Variants in DMRT1 observed in about 807,000 individuals in gnomAD.
DMRT1 encodes doublesex- and mab-3-related transcription factor 1.
Under a neutral mutation model 32.3 loss-of-function variants are expected in DMRT1, and 7 were observed. The observed-to-expected ratio is 0.22, with a 90% confidence interval of 0.12 to 0.41. DMRT1 has a LOEUF of 0.41. Among genes scored for constraint, DMRT1 ranks in the 10% least tolerant of loss-of-function variants. DMRT1 has a pLI of 1.00. For synonymous variants in DMRT1, 278 were observed against 206.1 expected (o/e 1.35, Z -2.99); for missense variants, 625 against 500.5 (o/e 1.25, Z -2.37).
chr9:852,706 G>A (rs1815207116), intron 2 of DMRT1, among the ~76,000 whole-genome samples: 1 of 152,250 alleles, frequency 6.6e-6, no homozygotes, highest in Non-Finnish European at 1.5e-5. Flanking sequence ...GAGCACCGGG[G>A]ACTTCCATCC....
At chr9:892,699 C>T (rs578135727) in intron 2 of DMRT1, among the ~76,000 whole-genome samples, 5 of 152,324 alleles carry the variant, frequency 3.3e-5, no homozygotes, top group Admixed American at 3.3e-4. Context: ...ACAGCTCTGA[C>T]CGTGTAACCT....
intron 2 of DMRT1, among the ~76,000 whole-genome samples, chr9:891,595 A>G (rs991283362): frequency 6.7e-6 from 1 of 150,128 alleles, no homozygotes. Flanking sequence ...TCTCACTCCA[A>G]CCTCTGTCTC....
At chr9:900,010 C>A in intron 3 of DMRT1, among the ~76,000 whole-genome samples, 1 of 152,204 alleles carries the variant, frequency 6.6e-6, no homozygotes. Context: ...CGATAAGGCA[C>A]CTCGAAGGAA....
chr9:926,197 A>G (rs1031497286), intron 4 of DMRT1, among the ~76,000 whole-genome samples: 1 of 152,238 alleles, frequency 6.6e-6, no homozygotes, highest in Non-Finnish European at 1.5e-5. Flanking sequence ...TGCTATTCCC[A>G]AAGCTCAGTA....
At chr9:945,653 T>A (rs912182545) in intron 4 of DMRT1, among the ~76,000 whole-genome samples, 4 of 152,184 alleles carry the variant, frequency 2.6e-5, no homozygotes, top group African/African-American at 9.7e-5. Context: ...TAAGACAGCT[T>A]TATTTTTTTT....
In DMRT1 at chr9:968,389, C is replaced by T; in HGVS notation, c.*250C>T. The T allele has an allele frequency of 2.1e-6, 1 of 468,020 alleles. No individual in the cohort carries two copies. Among genetic ancestry groups the T allele is most frequent in the Non-Finnish European group, 3.9e-6 (1 of 259,474 alleles). The allele number at this position is 468,020 out of a possible 1,614,324, so 29.0% of individuals were successfully genotyped here. A position where few individuals can be genotyped will look rare whatever the true frequency, so the allele number is the denominator to read the frequency against. ...AATAGTGTTCATTTTTTTAATGACA[C>T]TGGTTTCATGTAGTTTTCAAGAAAT... On this transcript the variant is annotated 3_prime_UTR_variant, in exon 5 of 5. Coordinates refer to ENST00000382276, the MANE Select transcript of DMRT1 (RefSeq NM_021951.3).
chr9:878,485 C>T (rs1311706391), intron 2 of DMRT1, among the ~76,000 whole-genome samples: 1 of 152,090 alleles, frequency 6.6e-6, no homozygotes, highest in East Asian at 1.9e-4. Context: ...GGGAGAAACA[C>T]ATTGTTCCCG....
intron 3 of DMRT1, 108 bp downstream of exon 3, chr9:894,303 GCACACACAGGTGA>G: frequency 3.3e-6 from 4 of 1,209,666 alleles, no homozygotes; most frequent in Non-Finnish European, 4.9e-6. Context: ...GCGCCCAGAG[GCACACACAGGTGA>G]CACACACAGG....
chr9:911,587 G>C (rs1817990338), intron 3 of DMRT1, among the ~76,000 whole-genome samples: 1 of 139,326 alleles, frequency 7.2e-6, no homozygotes, highest in African/African-American at 2.6e-5. Flanking sequence ...CTGCCTCCTG[G>C]GTTCAAGCGA....
In DMRT1 at chr9:842,095, C is replaced by G; in HGVS notation, c.257C>G (p.Ser86Trp). The change falls in exon 1 of 5, where the codon TCG becomes TGG. Residue 86 changes from serine to tryptophan, a missense_variant. Ser to Trp is a radical substitution (Grantham distance 177). Coordinates refer to ENST00000382276, the MANE Select transcript of DMRT1 (RefSeq NM_021951.3). The part of the protein sequence containing the change: ...CARCRNHGYA[S>W]PLKGHKRFCM... ...CGCTGCAGGAACCACGGCTACGCCT[C>G]GCCGCTCAAGGGCCACAAGCGCTTC... The G allele has an allele frequency of 3.2e-6, 5 of 1,546,998 alleles. No homozygotes were observed. The highest frequency in any genetic ancestry group is 1.4e-5 in the African/African-American group (1 of 73,434).
chr9:964,678 C>T (rs1819877366), intron 4 of DMRT1, among the ~76,000 whole-genome samples: 1 of 152,136 alleles, frequency 6.6e-6, no homozygotes, highest in African/African-American at 2.4e-5. Flanking sequence ...CTCCCTTCCC[C>T]AAGCACAAGA....
At position 893,898 on chromosome 9, in the gene DMRT1, T is replaced by G; in HGVS notation, c.539-14T>G. 1 of 1,612,708 alleles carries G rather than the reference T, an allele frequency of 6.2e-7. No homozygotes were observed. The highest frequency in any genetic ancestry group is 1.7e-5 in the Admixed American group (1 of 60,030). On this transcript the variant is annotated splice_polypyrimidine_tract_variant and intron_variant, in intron 2 of 4. Transcript: ENST00000382276. ...TAATACCATGTTGTATTTTTCTTTT[T>G]TCTTCCAATTTAGAGGGACGTATGG...
chr9:852,385 A>G (rs1427471192), intron 2 of DMRT1, among the ~76,000 whole-genome samples: 1 of 149,462 alleles, frequency 6.7e-6, no homozygotes, highest in Non-Finnish European at 1.5e-5. Flanking sequence ...TTTGAACTTT[A>G]GCATAAAATG....
chr9:885,105 T>C (rs897467533), intron 2 of DMRT1, among the ~76,000 whole-genome samples: 4 of 152,202 alleles, frequency 2.6e-5, no homozygotes, highest in African/African-American at 9.7e-5. Flanking sequence ...AGTGCCCCAC[T>C]GCTCAAGCCT....
At chr9:910,907 A>C (rs531142817) in intron 3 of DMRT1, among the ~76,000 whole-genome samples, 2 of 152,258 alleles carry the variant, frequency 1.3e-5, no homozygotes, top group East Asian at 3.9e-4. Flanking sequence ...AGCTTGAAGG[A>C]ATAAAAAAAA....
rs1043287286 is a variant in DMRT1 at position 884,572 on chromosome 9, G to A, written c.539-9340G>A. On this transcript the variant is annotated intron_variant, in intron 2 of 4. Transcript: ENST00000382276. ...ACAAATGCTATTGGTAATTTTTCCA[G>A]ATGTGTATTTCTTGAGTTCCTGATG... Among the ~76,000 whole-genome samples, 11 of 152,338 alleles carry A rather than the reference G, an allele frequency of 7.2e-5. No homozygotes were observed. In the South Asian group the frequency reaches 2.1e-3, roughly 29 times the overall value.
At chr9:943,755 G>A (rs1819153866) in intron 4 of DMRT1, among the ~76,000 whole-genome samples, 1 of 152,144 alleles carries the variant, frequency 6.6e-6, no homozygotes, top group Admixed American at 6.5e-5. Flanking sequence ...TACTGATGAA[G>A]GACCCCATTC....
At chr9:922,232 G>C (rs1818377782) in intron 4 of DMRT1, among the ~76,000 whole-genome samples, 1 of 152,038 alleles carries the variant, frequency 6.6e-6, no homozygotes, top group Non-Finnish European at 1.5e-5. Context: ...TTTTGCCAAA[G>C]TACCAGACCA....
intron 3 of DMRT1, among the ~76,000 whole-genome samples, chr9:911,670 T>G (rs1241458867): frequency 1.3e-5 from 2 of 152,068 alleles, no homozygotes; most frequent in East Asian, 3.9e-4. Flanking sequence ...TTGTTTGTAT[T>G]TAGTAGAGAC....
Sources: allele counts gnomAD v4.1 joint callset (sites outside exome capture counted in the v4.1 genomes callset), GRCh38; gene constraint gnomAD v4.1.1; transcripts MANE v1.5; gene names NCBI Gene and HGNC (gene_info 2026-07-23, HGNC 2026-07-21).